The following LMO3 variants were observed in gnomAD, a reference collection of about 807,000 sequenced individuals.
LMO3 encodes the protein LIM domain only 3, also known as LIM domain only protein 3.
A neutral mutation model predicts 15.8 loss-of-function variants in LMO3; 2 were observed. The ratio of observed to expected loss-of-function variants is 0.13; its 90% CI spans 0.05 to 0.40. LMO3 has a LOEUF of 0.40. Ranked by LOEUF, LMO3 falls within the 10% of genes least tolerant of loss-of-function variation. The pLI is 0.99. For synonymous variants in LMO3, 62 were observed against 63.8 expected (o/e 0.97, Z 0.13); for missense variants, 86 against 182.2 (o/e 0.47, Z 3.04).
chr12:16,585,884 C>T lies in LMO3; in HGVS notation c.206+14771G>A, dbSNP rs530239253. ...ATATGATTCACAGGCCCAAGTAAAA[C>T]ATCATTTAGTCATTTATAGTCTCAG... On this transcript the variant is annotated intron_variant, in intron 2 of 3. Transcript: ENST00000537304. This position sits in a 1 kb window ranked among gnomAD's most constrained non-coding sequence, Gnocchi z 4.7. 1.1e-4 allele frequency among the ~76,000 whole-genome samples: 16 copies of T among 152,228 alleles called. No homozygotes were observed. Among genetic ancestry groups the T allele is most frequent in the African/African-American group, 3.9e-4 (16 of 41,536 alleles).
At position 16,582,904 on chromosome 12, in the gene LMO3, G is replaced by T. The variant is rs186767507; in HGVS notation, c.206+17751C>A. Among the ~76,000 whole-genome samples, 1 of 151,946 alleles carries T rather than the reference G, an allele frequency of 6.6e-6. No homozygotes were observed. Among genetic ancestry groups the T allele is most frequent in the African/African-American group, 2.4e-5 (1 of 41,370 alleles). On this transcript the variant is annotated intron_variant, in intron 2 of 3. Coordinates refer to ENST00000537304, the MANE Select transcript of LMO3 (RefSeq NM_018640.5). This position sits in a 1 kb window ranked among gnomAD's most constrained non-coding sequence, Gnocchi z 4.1. Reference sequence around the variant, plus strand: ...CTCTACTAAAATAAAAAAATTAGCCGGGAGTGGTGGCATGCACCTGTAATC... The same window carrying T: ...CTCTACTAAAATAAAAAAATTAGCCTGGAGTGGTGGCATGCACCTGTAATC...
intron 2 of LMO3, among the ~76,000 whole-genome samples, chr12:16,592,493 C>T (rs1943524606): frequency 6.6e-6 from 1 of 151,966 alleles, no homozygotes; most frequent in African/African-American, 2.4e-5. Flanking sequence ...AAGTGAGCAT[C>T]TCACCTGTAA....
In LMO3 at chr12:16,585,935, G is replaced by A. The variant is rs1218837094; in HGVS notation, c.206+14720C>T. ...AAATCTTGCTTATCCTAAGATCTGG[G>A]CGACATTTCACCAGTGAGGCGGTAG... On this transcript the variant is annotated intron_variant, in intron 2 of 3. Transcript: ENST00000537304. This position sits in a 1 kb window ranked among gnomAD's most constrained non-coding sequence, Gnocchi z 4.7. Among the ~76,000 whole-genome samples, 1 of 152,108 alleles carries A rather than the reference G, an allele frequency of 6.6e-6. No individual in the cohort carries two copies. Among genetic ancestry groups the A allele is most frequent in the Non-Finnish European group, 1.5e-5 (1 of 68,018 alleles).
chr12:16,605,774 C>T (rs1424752962), intron 1 of LMO3: 2 of 1,535,428 alleles, frequency 1.3e-6, no homozygotes, highest in Non-Finnish European at 1.7e-6. Context: ...GTACTTGAGA[C>T]GTTCCGCGCC....
chr12:16,606,765 AC>A (rs1452417981), upstream of LMO3: 6 of 151,950 alleles, frequency 3.9e-5, no homozygotes, highest in African/African-American at 7.3e-5. Flanking sequence ...CTGGGGACAA[AC>A]CCGCACACAA....
chr12:16,553,578 T>G (rs1942073745), intron 3 of LMO3, among the ~76,000 whole-genome samples: 1 of 152,170 alleles, frequency 6.6e-6, no homozygotes, highest in Admixed American at 6.5e-5. Flanking sequence ...CATTTCAATT[T>G]ATACTTAAAG....
At chr12:16,570,288 C>T (rs1055423469) in intron 2 of LMO3, among the ~76,000 whole-genome samples, 2 of 152,208 alleles carry the variant, frequency 1.3e-5, no homozygotes, top group Non-Finnish European at 1.5e-5. Flanking sequence ...TTACAGACTT[C>T]TTAGAGACTC....
Position 16,589,851 on chromosome 12 carries a change from C to T in LMO3, c.206+10804G>A, listed in dbSNP as rs1943435975. ...GTTAGAAATTGTAACAGAAAAAAGC[C>T]CCCAAGATGCAGACCACAGTAGGAA... On this transcript the variant is annotated intron_variant, in intron 2 of 3. Coordinates refer to ENST00000537304, the MANE Select transcript of LMO3 (RefSeq NM_018640.5). The surrounding 1 kb of genome is among the most constrained non-coding windows in gnomAD (Gnocchi z 4.2). 6.6e-6 allele frequency among the ~76,000 whole-genome samples: 1 copy of T among 152,014 alleles called. No homozygotes were observed. The highest frequency in any genetic ancestry group is 6.6e-5 in the Admixed American group (1 of 15,252).
intron 3 of LMO3, among the ~76,000 whole-genome samples, chr12:16,551,975 A>C (rs1254592255): frequency 6.6e-6 from 1 of 152,026 alleles, no homozygotes; most frequent in Non-Finnish European, 1.5e-5. Flanking sequence ...TTCTTAGAGC[A>C]CTTCCAATTC....
rs74597881 is a variant in LMO3 at position 16,585,348 on chromosome 12, A to G, written c.206+15307T>C. Among the ~76,000 whole-genome samples, 1,798 of 152,292 alleles carry G rather than the reference A, an allele frequency of 0.012. 44 individuals are homozygous for G. The highest frequency in any genetic ancestry group is 0.041 in the African/African-American group (1,711 of 41,558). Reference sequence around the variant, plus strand: ...GCATATTTGTGTATATATTTTTAAAAAGTGGATTAACTTTATGTTAAACAA... The same window carrying G: ...GCATATTTGTGTATATATTTTTAAAGAGTGGATTAACTTTATGTTAAACAA... On this transcript the variant is annotated intron_variant, in intron 2 of 3. Transcript: ENST00000537304. This position sits in a 1 kb window ranked among gnomAD's most constrained non-coding sequence, Gnocchi z 4.7.
At chr12:16,595,769 A>G (rs1465295268) in intron 2 of LMO3, among the ~76,000 whole-genome samples, 1 of 151,496 alleles carries the variant, frequency 6.6e-6, no homozygotes, top group Admixed American at 6.6e-5. Context: ...TGACAATAAT[A>G]TGGTGTTTAA....
chr12:16,561,503 A>G (rs551015417), intron 2 of LMO3, among the ~76,000 whole-genome samples: 106 of 152,250 alleles, frequency 7.0e-4, no homozygotes, highest in Non-Finnish European at 1.3e-3. Context: ...CATGGGAAAG[A>G]CCAAATTAAA....
chr12:16,605,438 C>T (rs1224810583), intron 1 of LMO3: 4 of 214,372 alleles, frequency 1.9e-5, no homozygotes, highest in African/African-American at 1.1e-3. Flanking sequence ...ACCCGCCTGC[C>T]CCCCCCCCCC....
intron 2 of LMO3, among the ~76,000 whole-genome samples, chr12:16,565,979 G>A (rs1292340872): frequency 1.3e-5 from 1 of 79,912 alleles, no homozygotes; most frequent in East Asian, 5.3e-4. Flanking sequence ...TGAAGAAAAT[G>A]TGCCATATAT....
At chr12:16,554,052 C>T (rs1342360084) in intron 3 of LMO3, among the ~76,000 whole-genome samples, 1 of 151,980 alleles carries the variant, frequency 6.6e-6, no homozygotes, top group Admixed American at 6.5e-5. Context: ...TAAGAAGATG[C>T]CCAATTAGAT....
chr12:16,569,251 C>T (rs1591791116), intron 2 of LMO3, among the ~76,000 whole-genome samples: 2 of 152,152 alleles, frequency 1.3e-5, no homozygotes, highest in Non-Finnish European at 2.9e-5. Context: ...AGCAAGAGAA[C>T]CTATATCCCT....
intron 3 of LMO3, among the ~76,000 whole-genome samples, chr12:16,554,696 T>C (rs1441773893): frequency 6.6e-6 from 1 of 152,086 alleles, no homozygotes; most frequent in African/African-American, 2.4e-5. Context: ...ATAAAATACC[T>C]CTCTTGAAAT....
chr12:16,578,817 C>CAAA (rs201370841), intron 2 of LMO3, among the ~76,000 whole-genome samples: 2,027 of 126,242 alleles, frequency 0.016, 49 homozygotes, highest in African/African-American at 0.065. Context: ...GATTCTGTCT[C>CAAA]AAACAACAAC....
At position 16,602,646 on chromosome 12, in the gene LMO3, G is replaced by C. The variant is rs192325750; in HGVS notation, c.-8-1778C>G. ...TTGAAGGAGCTAAGGGCCTAGTGTA[G>C]ATTAATCATAACCCTTGATAGCTCT... On this transcript the variant is annotated intron_variant, in intron 1 of 3. Transcript: ENST00000537304. Among the ~76,000 whole-genome samples, 389 of 152,290 alleles carry C rather than the reference G, an allele frequency of 2.6e-3. 17 individuals carry two copies. The highest frequency in any genetic ancestry group is 0.024 in the Admixed American group (370 of 15,296).
Sources: allele counts gnomAD v4.1 joint callset (sites outside exome capture counted in the v4.1 genomes callset), GRCh38; gene constraint gnomAD v4.1.1; non-coding constraint Gnocchi (gnomAD v3.1); transcripts MANE v1.5; gene names NCBI Gene and HGNC (gene_info 2026-07-23, HGNC 2026-07-21).